Variants in DSG1 observed in about 807,000 individuals in gnomAD.
DSG1 encodes desmoglein-1.
In DSG1, 39 loss-of-function variants were observed where a neutral mutation model predicts 97.5. The ratio of observed to expected loss-of-function variants is 0.40; its 90% CI spans 0.31 to 0.52. The LOEUF (loss-of-function observed/expected upper bound fraction) is 0.52, where lower values mean the gene tolerates loss of function less well. DSG1 is among the 20% of genes least tolerant of loss of function. The probability of loss-of-function intolerance (pLI) is 0.53; values close to 1 mark genes in which losing one functional copy is unlikely to be tolerated. For missense variants in DSG1, 1,311 were observed against 1,295.4 expected (o/e 1.01, Z -0.18); for synonymous variants, 475 against 443.4 (o/e 1.07, Z -0.90).
chr18:31,340,900 C>T (rs1033175460), intron 11 of DSG1, among the ~76,000 whole-genome samples: 7 of 152,168 alleles, frequency 4.6e-5, no homozygotes, highest in African/African-American at 1.4e-4. Flanking sequence ...TAAGCCTAAT[C>T]GTCTGAGTCT....
intron 6 of DSG1, 119 bp from the exon 7 acceptor site, chr18:31,333,470 A>G: frequency 8.3e-7 from 1 of 1,203,538 alleles, no homozygotes; most frequent in East Asian, 2.3e-5. Context: ...TTCTGTGTTA[A>G]CCCTACCTCT....
Position 31,328,207 on chromosome 18 carries a change from G to A in DSG1, c.235G>A (p.Ala79Thr), listed in dbSNP as rs1275307469. ...TCTGCAGATTCACTCAGATTGTGCT[G>A]CAAACCAGCAAGTTACATACCGCAT... Reference protein sequence around the residue: ...PIAKIHSDCAANQQVTYRISG... With the variant: ...PIAKIHSDCATNQQVTYRISG... Residue 79 changes from alanine to threonine, a missense_variant, in exon 4 of 15, where the codon GCA (alanine) becomes ACA (threonine). Transcript: ENST00000257192. 6.2e-7 allele frequency: 1 copy of A among 1,613,250 alleles called. No homozygotes were observed. Among genetic ancestry groups the A allele is most frequent in the Non-Finnish European group, 8.5e-7 (1 of 1,179,496 alleles).
Position 31,318,264 on chromosome 18 carries a change from A to G in DSG1, c.-37A>G, listed in dbSNP as rs746797256. The G allele has an allele frequency of 5.3e-5, 84 of 1,586,824 alleles. No homozygotes were observed. Among genetic ancestry groups the G allele is most frequent in the Non-Finnish European group, 6.8e-5 (79 of 1,155,484 alleles). ...AAAAGAACAGAGAAGAACAAACAAAACTCCCTTGGTCTTGGATGTAAGAGA... is the reference window on the plus strand; with the variant it reads ...AAAAGAACAGAGAAGAACAAACAAAGCTCCCTTGGTCTTGGATGTAAGAGA... On this transcript the variant is annotated 5_prime_UTR_variant, in exon 1 of 15. Transcript: ENST00000257192.
chr18:31,336,618 GAATGAGATTTTCAACT>G lies in DSG1; in HGVS notation c.1265+9_1265+24del, dbSNP rs1310530192. 6.2e-7 allele frequency: 1 copy of G among 1,613,964 alleles called. No homozygotes were observed. The highest frequency in any genetic ancestry group is 8.5e-7 in the Non-Finnish European group (1 of 1,179,908). On this transcript the variant is annotated splice_donor_region_variant and intron_variant, in intron 9 of 14. Transcript: ENST00000257192. The stretch of plus-strand genomic sequence containing the variant: ...TAGACCTTCAACGACTGTTAGGTAA[GAATGAGATTTTCAACT>G]AATTTTCCTTACATATTGAACTTAA...
At chr18:31,353,574 T>C (rs1167904495) in intron 14 of DSG1, among the ~76,000 whole-genome samples, 1 of 152,188 alleles carries the variant, frequency 6.6e-6, no homozygotes, top group Admixed American at 6.5e-5. Context: ...CCAGCCTCAC[T>C]GCCGCTTTGC....
At chr18:31,335,749 A>T (rs2071747937) in intron 8 of DSG1, among the ~76,000 whole-genome samples, 1 of 151,418 alleles carries the variant, frequency 6.6e-6, no homozygotes, top group African/African-American at 2.4e-5. Context: ...TGTGTTGTGG[A>T]TATTAATATC....
chr18:31,336,506 T>C lies in DSG1; in HGVS notation c.1158T>C (p.Arg386=), dbSNP rs1315856855. ...ATGTAATTGAAGGCCCAGTGTTTCG[T>C]CCAGGTTCAAAGACATATGTTGTAA... ...VLNVIEGPVF[R]PGSKTYVVTG... Residue 386 remains arginine (R), a synonymous_variant, in exon 9 of 15, where the codon CGT becomes CGC. Transcript: ENST00000257192. The C allele has an allele frequency of 6.2e-6, 10 of 1,613,924 alleles. No individual in the cohort carries two copies. The highest frequency in any genetic ancestry group is 7.6e-6 in the Non-Finnish European group (9 of 1,179,950).
At chr18:31,318,472 A>T in intron 1 of DSG1, 124 bp downstream of exon 1, 1 of 819,116 alleles carries the variant, frequency 1.2e-6, no homozygotes, top group Non-Finnish European at 2.1e-6. Flanking sequence ...ATTAATGACA[A>T]GATGATTTTA....
At chr18:31,332,741 T>TA in intron 6 of DSG1, among the ~76,000 whole-genome samples, 1 of 152,338 alleles carries the variant, frequency 6.6e-6, no homozygotes, top group South Asian at 2.1e-4. Context: ...ATTATTTTAA[T>TA]ACTCTTTAAT....
chr18:31,340,310 G>C (rs1481462094), intron 11 of DSG1, among the ~76,000 whole-genome samples: 2 of 151,608 alleles, frequency 1.3e-5, no homozygotes, highest in Admixed American at 6.6e-5. Context: ...AAGACAATCA[G>C]AAGAGGCTAC....
intron 9 of DSG1, among the ~76,000 whole-genome samples, 166 bp downstream of exon 9, chr18:31,336,779 A>C (rs2071757284): frequency 6.6e-6 from 1 of 152,234 alleles, no homozygotes; most frequent in African/African-American, 2.4e-5. Context: ...GTTTAACTTA[A>C]GAAAACATAA....
At chr18:31,348,318 A>C (rs1349492766) in intron 14 of DSG1, among the ~76,000 whole-genome samples, 1 of 151,220 alleles carries the variant, frequency 6.6e-6, no homozygotes, top group African/African-American at 2.5e-5. Context: ...TTATGGCTGC[A>C]TAGTATTCCA....
chr18:31,320,635 A>G (rs1429271901), intron 1 of DSG1, among the ~76,000 whole-genome samples: 3 of 152,230 alleles, frequency 2.0e-5, no homozygotes, highest in African/African-American at 7.2e-5. Flanking sequence ...CACCTGCTAT[A>G]ACACTGCAAG....
intron 14 of DSG1, among the ~76,000 whole-genome samples, chr18:31,346,624 C>G (rs953526422): frequency 6.6e-6 from 1 of 152,270 alleles, no homozygotes. Flanking sequence ...CTCTCACAAA[C>G]TCCTACCCAT....
At chr18:31,327,139 T>A in intron 3 of DSG1, 134 bp downstream of exon 3, 1 of 1,154,126 alleles carries the variant, frequency 8.7e-7, no homozygotes, top group South Asian at 1.4e-5. Flanking sequence ...GTCACCTAGA[T>A]GATGAAAACT....
At position 31,343,450 on chromosome 18, in the gene DSG1, T is replaced by G. The variant is rs1022560349; in HGVS notation, c.1688T>G (p.Leu563Trp). The G allele has an allele frequency of 6.2e-7, 1 of 1,614,100 alleles. No homozygotes were observed. ...LLIMGFLVLGLVPFLMICCDC... is the reference protein window; with the variant it reads ...LLIMGFLVLGWVPFLMICCDC... ...AGTATTACTATCCCTCCACCACCAG[T>G]GGTCCCATTTTTGATGATCTGTTGT... is the stretch of plus-strand genomic sequence containing the variant. The change falls in exon 12 of 15, where the codon TTG (leucine) becomes TGG (tryptophan). Residue 563 changes from leucine to tryptophan, a missense_variant and splice_region_variant. Transcript: ENST00000257192.
At chr18:31,340,459 T>C (rs2071781798) in intron 11 of DSG1, among the ~76,000 whole-genome samples, 1 of 150,266 alleles carries the variant, frequency 6.7e-6, no homozygotes, top group Non-Finnish European at 1.5e-5. Flanking sequence ...AATACAAAAA[T>C]GATCCGGGCA....
In DSG1 at chr18:31,355,014, C is replaced by T. The variant is rs754692290; in HGVS notation, c.2818C>T (p.His940Tyr). The T allele has an allele frequency of 2.5e-6, 4 of 1,614,210 alleles. No homozygotes were observed. In the South Asian group the frequency reaches 3.3e-5, roughly 13 times the overall value. The change falls in exon 15 of 15, where the codon CAC becomes TAC. Residue 940 changes from histidine (H) to tyrosine (Y), a missense_variant. By Grantham distance (83) the His-to-Tyr change is moderately conservative. This residue lies in a region of DSG1 where 1,038 missense variants were observed against 964.6 expected (regional missense o/e 1.08). Coordinates refer to ENST00000257192, the MANE Select transcript of DSG1 (RefSeq NM_001942.4). Reference sequence around the variant, plus strand: ...CGGCATGATAGGTAGTCTGAGTATGCACCCCGAGTTAGCCAATGCCCACAA... The same window carrying T: ...CGGCATGATAGGTAGTCTGAGTATGTACCCCGAGTTAGCCAATGCCCACAA... ...TSGMIGSLSM[H>Y]PELANAHNVI... is the part of the protein sequence containing the mutation.
intron 13 of DSG1, 82 bp downstream of exon 13, chr18:31,344,077 A>T (rs943122653): frequency 9.5e-7 from 1 of 1,050,242 alleles, no homozygotes; most frequent in African/African-American, 1.6e-5. Flanking sequence ...TTTTTTAATT[A>T]TCTTATTTTT....
Sources: allele counts gnomAD v4.1 joint callset (sites outside exome capture counted in the v4.1 genomes callset), GRCh38; gene constraint gnomAD v4.1.1; regional missense constraint gnomAD v4.1.1; transcripts MANE v1.5; gene names NCBI Gene and HGNC (gene_info 2026-07-23, HGNC 2026-07-21).